Variants in SSBP2 observed in about 807,000 individuals in gnomAD.
SSBP2 encodes single-stranded DNA-binding protein 2.
In SSBP2, 17 loss-of-function variants were observed where a neutral mutation model predicts 61.8. The observed-to-expected ratio is 0.28, with a 90% CI of 0.19 to 0.41. The LOEUF (loss-of-function observed/expected upper bound fraction) is 0.41, where lower values mean the gene tolerates loss of function less well. SSBP2 is among the 10% of genes least tolerant of loss of function. The probability of loss-of-function intolerance (pLI) is 1.00; values close to 1 mark genes in which losing one functional copy is unlikely to be tolerated. For missense variants in SSBP2, 310 were observed against 458.7 expected (o/e 0.68, Z 2.96); for synonymous variants, 139 against 141.3 (o/e 0.98, Z 0.12).
intron 7 of SSBP2, 114 bp downstream of exon 7, chr5:81,474,382 G>T: frequency 1.2e-6 from 1 of 849,160 alleles, no homozygotes; most frequent in Non-Finnish European, 1.9e-6. Context: ...TTAGAAAAAT[G>T]CAACTGGTAT....
chr5:81,751,131 G>A (rs935142190), upstream of SSBP2: 21 of 1,375,010 alleles, frequency 1.5e-5, no homozygotes, highest in Non-Finnish European at 2.0e-5. Flanking sequence ...GGCGACCCAC[G>A]CAGCCACCCC....
chr5:81,667,166 A>T (rs1751206158), intron 1 of SSBP2, among the ~76,000 whole-genome samples: 1 of 152,180 alleles, frequency 6.6e-6, no homozygotes, highest in African/African-American at 2.4e-5. Flanking sequence ...TCCAGAACAC[A>T]GTACAAGGAC....
chr5:81,473,402 T>C (rs1561441860), intron 8 of SSBP2, among the ~76,000 whole-genome samples: 1 of 152,130 alleles, frequency 6.6e-6, no homozygotes, highest in Non-Finnish European at 1.5e-5. Flanking sequence ...TGCACTCCCT[T>C]CCCTTGCCCT....
chr5:81,528,777 G>A (rs911115685), intron 4 of SSBP2, among the ~76,000 whole-genome samples: 1 of 152,010 alleles, frequency 6.6e-6, no homozygotes, highest in Non-Finnish European at 1.5e-5. Flanking sequence ...TACAAAGACG[G>A]TCTTTAGTCA....
chr5:81,618,134 T>G (rs1346465109), intron 3 of SSBP2, among the ~76,000 whole-genome samples: 1 of 93,404 alleles, frequency 1.1e-5, no homozygotes, highest in Non-Finnish European at 2.3e-5. Flanking sequence ...GACTAAATTC[T>G]GCAATTAAAA....
intron 1 of SSBP2, among the ~76,000 whole-genome samples, chr5:81,699,662 T>A (rs1753831092): frequency 6.6e-6 from 1 of 152,172 alleles, no homozygotes; most frequent in Admixed American, 6.5e-5. Flanking sequence ...ACCCTCCAAG[T>A]CATCCACGAG....
intron 1 of SSBP2, among the ~76,000 whole-genome samples, chr5:81,740,294 G>A (rs1756925645): frequency 6.7e-6 from 1 of 149,734 alleles, no homozygotes; most frequent in South Asian, 2.1e-4. Flanking sequence ...CAGTCACTAA[G>A]TTTAATCCAG....
chr5:81,524,564 A>G (rs776263388), intron 4 of SSBP2, among the ~76,000 whole-genome samples: 2 of 152,108 alleles, frequency 1.3e-5, no homozygotes, highest in African/African-American at 2.4e-5. Flanking sequence ...AGGTATCTAG[A>G]AACTAGTAAA....
At chr5:81,685,790 G>A (rs956251192) in intron 1 of SSBP2, among the ~76,000 whole-genome samples, 1 of 152,154 alleles carries the variant, frequency 6.6e-6, no homozygotes, top group Non-Finnish European at 1.5e-5. Flanking sequence ...TAGCCACTGG[G>A]TGGTCCACAA....
intron 8 of SSBP2, among the ~76,000 whole-genome samples, chr5:81,471,555 A>C (rs1466356173): frequency 6.6e-6 from 1 of 152,008 alleles, no homozygotes; most frequent in Non-Finnish European, 1.5e-5. Context: ...CTAAAAGTAT[A>C]CTTAGCCAAT....
chr5:81,640,479 C>T (rs1326620287), intron 2 of SSBP2, among the ~76,000 whole-genome samples: 3 of 151,958 alleles, frequency 2.0e-5, no homozygotes, highest in Non-Finnish European at 2.9e-5. Context: ...TAAATATAGG[C>T]CAGATCCTAA....
intron 6 of SSBP2, among the ~76,000 whole-genome samples, chr5:81,484,105 A>T (rs556507644): frequency 6.6e-6 from 1 of 152,316 alleles, no homozygotes; most frequent in Admixed American, 6.5e-5. Flanking sequence ...GGGACACAGT[A>T]AACCTCAACA....
chr5:81,606,296 C>T (rs1201253818), intron 4 of SSBP2, among the ~76,000 whole-genome samples: 1 of 152,076 alleles, frequency 6.6e-6, no homozygotes, highest in African/African-American at 2.4e-5. Context: ...GAAAACTACG[C>T]AGTAAAAGGC....
intron 4 of SSBP2, among the ~76,000 whole-genome samples, chr5:81,584,852 T>C (rs567227467): frequency 2.6e-4 from 39 of 152,188 alleles, no homozygotes; most frequent in Admixed American, 6.5e-4. Flanking sequence ...GAGACAGTTG[T>C]AATTTTTTAA....
intron 4 of SSBP2, among the ~76,000 whole-genome samples, chr5:81,583,516 G>C (rs377528489): frequency 6.6e-6 from 1 of 151,780 alleles, no homozygotes; most frequent in Non-Finnish European, 1.5e-5. Context: ...TGTAGTCCCA[G>C]CTACTGGAGA....
At chr5:81,442,909 G>A (rs891196428) in intron 12 of SSBP2, 186 bp from the exon 13 acceptor site, 2 of 403,396 alleles carry the variant, frequency 5.0e-6, no homozygotes, top group South Asian at 7.5e-5. Context: ...TCATTCTGAG[G>A]TCATAAATTA....
intron 3 of SSBP2, among the ~76,000 whole-genome samples, chr5:81,634,087 A>G (rs767187128): frequency 4.6e-4 from 70 of 152,224 alleles, no homozygotes; most frequent in Non-Finnish European, 8.2e-4. Context: ...GGTTCAGGCC[A>G]TGACAGGAAG....
chr5:81,465,278 G>A (rs1252814430), intron 9 of SSBP2, among the ~76,000 whole-genome samples: 4 of 151,898 alleles, frequency 2.6e-5, no homozygotes, highest in African/African-American at 9.7e-5. Context: ...AAAGTATCTA[G>A]GGATTAAACT....
At chr5:81,491,089 C>T (rs1028090278) in intron 5 of SSBP2, among the ~76,000 whole-genome samples, 6 of 152,094 alleles carry the variant, frequency 3.9e-5, no homozygotes, top group Non-Finnish European at 8.8e-5. Flanking sequence ...TATAAATCAC[C>T]TAATTTCACC....
Sources: allele counts gnomAD v4.1 joint callset (sites outside exome capture counted in the v4.1 genomes callset), GRCh38; gene constraint gnomAD v4.1.1; transcripts MANE v1.5; gene names NCBI Gene and HGNC (gene_info 2026-07-23, HGNC 2026-07-21).